Variants in CCDC171 observed in about 807,000 individuals in gnomAD.
CCDC171 encodes the protein coiled-coil domain containing 171.
A neutral mutation model predicts 168.2 loss-of-function variants in CCDC171; 177 were observed. The ratio of observed to expected loss-of-function variants is 1.05; its 90% confidence interval spans 0.93 to 1.19. The LOEUF (loss-of-function observed/expected upper bound fraction) is 1.19. Among genes scored for constraint, CCDC171 ranks in the 50% most tolerant of loss-of-function variants. The pLI, the probability that CCDC171 is intolerant of heterozygous loss-of-function variation, is 0.00. For missense variants in CCDC171, 1,991 were observed against 1,539.0 expected, an observed-to-expected ratio of 1.29 and a Z score of -4.91; for synonymous variants, 687 against 540.8, an observed-to-expected ratio of 1.27 and a Z score of -3.75.
intron 18 of CCDC171, among the ~76,000 whole-genome samples, chr9:15,771,828 G>A (rs992819899): frequency 6.6e-6 from 1 of 152,078 alleles, no homozygotes; most frequent in Non-Finnish European, 1.5e-5. Flanking sequence ...CAGATGACCA[G>A]GTAGCTTTTT....
intron 4 of CCDC171, among the ~76,000 whole-genome samples, chr9:15,587,224 T>A (rs1242414707): frequency 1.3e-5 from 2 of 152,220 alleles, no homozygotes; most frequent in Non-Finnish European, 2.9e-5. Flanking sequence ...CTGATATAGT[T>A]TGGCTCTGTG....
the CCDC171 span, among the ~76,000 whole-genome samples, chr9:16,083,968 G>A: frequency 2.0e-5 from 3 of 152,118 alleles, no homozygotes; most frequent in Non-Finnish European, 4.4e-5. Flanking sequence ...GCAAACAGTC[G>A]ATTTTGCTAA....
Position 15,571,646 on chromosome 9 carries a change from G to A in CCDC171, c.64G>A (p.Val22Ile), listed in dbSNP as rs1190244182. ...TQRLKIASLD[V>I]KQILKNETEL... ...AAGGTTGAAGATTGCCTCATTGGAT[G>A]TAAAACAAATACTTAAAAATGAAAC... The change falls in exon 3 of 26, where the codon GTA becomes ATA. Residue 22 changes from valine to isoleucine, a missense_variant. Val to Ile is a conservative substitution (Grantham distance 29, BLOSUM62 3). Coordinates refer to ENST00000380701, the MANE Select transcript of CCDC171 (RefSeq NM_173550.4). 2 of 1,564,616 alleles carry A rather than the reference G, an allele frequency of 1.3e-6. No individual in the cohort carries two copies. Among genetic ancestry groups the A allele is most frequent in the Non-Finnish European group, 1.7e-6 (2 of 1,162,132 alleles).
At chr9:15,673,594 T>A (rs2049289045) in intron 9 of CCDC171, among the ~76,000 whole-genome samples, 1 of 152,238 alleles carries the variant, frequency 6.6e-6, no homozygotes, top group Non-Finnish European at 1.5e-5. Context: ...TTTATGCATC[T>A]ATTGAGATAA....
intron 6 of CCDC171, among the ~76,000 whole-genome samples, chr9:15,605,576 A>G (rs2043165084): frequency 6.7e-6 from 1 of 150,092 alleles, no homozygotes; most frequent in South Asian, 2.1e-4. Context: ...AATCCCAGCT[A>G]CTCAGGAGGC....
intron 6 of CCDC171, among the ~76,000 whole-genome samples, chr9:15,599,701 G>A (rs1226773778): frequency 2.0e-5 from 3 of 152,104 alleles, no homozygotes; most frequent in African/African-American, 7.2e-5. Flanking sequence ...GGCCTGCCTT[G>A]CTAGATTGGG....
chr9:16,006,407 T>G (rs972704043), intron 3 of CCDC171, among the ~76,000 whole-genome samples: 2 of 152,196 alleles, frequency 1.3e-5, no homozygotes, highest in African/African-American at 4.8e-5. Flanking sequence ...AAGAAATGAC[T>G]ATGCAGATTC....
intron 10 of CCDC171, among the ~76,000 whole-genome samples, chr9:15,680,708 C>G (rs1452845894): frequency 1.3e-5 from 2 of 152,112 alleles, no homozygotes; most frequent in Non-Finnish European, 2.9e-5. Flanking sequence ...CATCTGTTCA[C>G]TGTAATGTTA....
intron 18 of CCDC171, among the ~76,000 whole-genome samples, chr9:15,754,523 G>A (rs987408267): frequency 7.9e-5 from 12 of 152,014 alleles, no homozygotes; most frequent in Non-Finnish European, 1.8e-4. Context: ...GAGCACACAT[G>A]CGCATACACA....
At chr9:16,097,809 AG>A in the CCDC171 span, among the ~76,000 whole-genome samples, 1 of 152,368 alleles carries the variant, frequency 6.6e-6, no homozygotes, top group Non-Finnish European at 1.5e-5. Context: ...GTTATCGGTG[AG>A]AATCCAGACA....
intron 24 of CCDC171, among the ~76,000 whole-genome samples, chr9:15,883,754 A>G (rs1819022857): frequency 6.6e-6 from 1 of 152,238 alleles, no homozygotes; most frequent in Non-Finnish European, 1.5e-5. Context: ...GATCTGGTAT[A>G]ACTGATCTGA....
intron 6 of CCDC171, among the ~76,000 whole-genome samples, chr9:15,617,741 C>G (rs1211132280): frequency 6.6e-6 from 1 of 152,148 alleles, no homozygotes; most frequent in African/African-American, 2.4e-5. Flanking sequence ...TTTCTTCTAA[C>G]AGGCCCCTCT....
chr9:15,668,584 A>G (rs538249072), intron 9 of CCDC171, among the ~76,000 whole-genome samples: 1 of 152,152 alleles, frequency 6.6e-6, no homozygotes, highest in African/African-American at 2.4e-5. Context: ...AATAATGACA[A>G]GTAATAACTA....
chr9:15,871,541 C>G (rs1425086113), intron 23 of CCDC171, among the ~76,000 whole-genome samples: 1 of 151,848 alleles, frequency 6.6e-6, no homozygotes, highest in Non-Finnish European at 1.5e-5. Flanking sequence ...AACTAATTTG[C>G]TTTAGATCCT....
Position 15,678,761 on chromosome 9 carries a change from A to T in CCDC171, c.1080A>T (p.Leu360Phe). 1 of 1,580,626 alleles carries T rather than the reference A, an allele frequency of 6.3e-7. No homozygotes were observed. The highest frequency in any genetic ancestry group is 8.5e-7 in the Non-Finnish European group (1 of 1,170,880). ...AQESFAKLNL[L>F]EKEYFSKNKK... ...CTCTGACACTTTAACTTTTCAGATTAGAAAAAGAGTATTTCTCCAAAAATA... is the reference window on the plus strand; with the variant it reads ...CTCTGACACTTTAACTTTTCAGATTTGAAAAAGAGTATTTCTCCAAAAATA... Residue 360 changes from leucine to phenylalanine, a missense_variant, in exon 10 of 26, where the codon TTA (leucine) becomes TTT (phenylalanine). Physicochemically the swap from Leu to Phe is conservative, Grantham distance 22. Coordinates refer to ENST00000380701, the MANE Select transcript of CCDC171 (RefSeq NM_173550.4).
chr9:15,868,963 A>C (rs1399329616), intron 23 of CCDC171, among the ~76,000 whole-genome samples: 5 of 152,170 alleles, frequency 3.3e-5, no homozygotes, highest in Non-Finnish European at 7.4e-5. Flanking sequence ...ATCTATGCAC[A>C]TCCTTCTGTA....
the CCDC171 span, among the ~76,000 whole-genome samples, chr9:16,068,358 A>G: frequency 6.6e-6 from 1 of 152,162 alleles, no homozygotes; most frequent in Admixed American, 6.5e-5. Context: ...GGAAGAATCA[A>G]TATCGTGAAA....
intron 24 of CCDC171, among the ~76,000 whole-genome samples, chr9:15,881,874 C>T (rs1018325033): frequency 2.0e-5 from 3 of 152,190 alleles, no homozygotes; most frequent in Non-Finnish European, 2.9e-5. Context: ...GCTGGTTCCA[C>T]ATTTTGGCTG....
At chr9:15,911,909 A>G (rs1242175065) in intron 24 of CCDC171, among the ~76,000 whole-genome samples, 1 of 152,030 alleles carries the variant, frequency 6.6e-6, no homozygotes, top group Non-Finnish European at 1.5e-5. Context: ...TGGTCTACAT[A>G]CCTGTTTTGG....
Sources: allele counts gnomAD v4.1 joint callset (sites outside exome capture counted in the v4.1 genomes callset), GRCh38; gene constraint gnomAD v4.1.1; transcripts MANE v1.5; gene names NCBI Gene and HGNC (gene_info 2026-07-23, HGNC 2026-07-21).